The following CASTOR2 variants were observed in gnomAD, a reference collection of about 807,000 sequenced individuals.
CASTOR2 encodes the protein GATS protein like 2.
In CASTOR2, 8 loss-of-function variants were observed where a neutral mutation model predicts 31.2. The observed-to-expected ratio is 0.26, with a 90% CI of 0.15 to 0.46. CASTOR2 has a LOEUF of 0.46. CASTOR2 is among the 20% of genes least tolerant of loss of function. CASTOR2 has a pLI of 0.99. For synonymous variants in CASTOR2, 162 were observed against 158.7 expected (o/e 1.02, Z -0.16); for missense variants, 216 against 382.1 (o/e 0.57, Z 3.62).
chr7:74,990,779 C>T (rs1257878926), intron 1 of CASTOR2, among the ~76,000 whole-genome samples: 2 of 152,132 alleles, frequency 1.3e-5, no homozygotes, highest in African/African-American at 2.4e-5. Context: ...CACTTGAATG[C>T]GGGAGGCAGA....
intron 1 of CASTOR2, among the ~76,000 whole-genome samples, chr7:74,991,089 GGAAAA>G (rs1334363533): frequency 8.1e-6 from 1 of 123,126 alleles, no homozygotes; most frequent in Non-Finnish European, 1.8e-5. Context: ...AAAAAAAAAA[GGAAAA>G]GAAAAAGAAA....
chr7:74,972,784 A>G (rs1178580210), intron 1 of CASTOR2, among the ~76,000 whole-genome samples: 1 of 148,618 alleles, frequency 6.7e-6, no homozygotes, highest in Non-Finnish European at 1.5e-5. Context: ...GGTTCAAGCA[A>G]TTCTCCTGCC....
intron 1 of CASTOR2, among the ~76,000 whole-genome samples, chr7:74,994,299 C>A (rs1467535105): frequency 3.9e-5 from 6 of 152,340 alleles, no homozygotes; most frequent in East Asian, 1.9e-4. Flanking sequence ...TTCTCTTTCA[C>A]CCCGTCAGGG....
intron 1 of CASTOR2, among the ~76,000 whole-genome samples, chr7:75,001,344 C>G (rs1804490975): frequency 6.6e-6 from 1 of 152,172 alleles, no homozygotes; most frequent in African/African-American, 2.4e-5. Context: ...TCCACAAGTG[C>G]TGAGATTACA....
In CASTOR2 at chr7:75,027,841, T is replaced by C; in HGVS notation, c.*3142T>C. The C allele has an allele frequency of 1.5e-6, 1 of 667,718 alleles. No individual in the cohort carries two copies. The highest frequency in any genetic ancestry group is 1.7e-5 in the South Asian group (1 of 59,430). 41.4% of individuals were successfully genotyped at this position (667,718 alleles called of 1,614,324 possible). ...GTTTGGTCTCCACAGCTCTTCGGGGTGGGGTGTGAGTGTGGTTTTTCCCAG... is the reference window on the plus strand; with the variant it reads ...GTTTGGTCTCCACAGCTCTTCGGGGCGGGGTGTGAGTGTGGTTTTTCCCAG... On this transcript the variant is annotated 3_prime_UTR_variant, in exon 9 of 9. Transcript: ENST00000616305.
Position 75,025,957 on chromosome 7 carries a change from G to A in CASTOR2, c.*1258G>A, listed in dbSNP as rs1273562131. Among the ~76,000 whole-genome samples the A allele has an allele frequency of 3.3e-5, 5 of 152,130 alleles. No homozygotes were observed. The highest frequency in any genetic ancestry group is 6.6e-5 in the Admixed American group (1 of 15,260). ...TAGGAGCAGAGATCTGTTACAAGAC[G>A]CTGGAGCCGCTGGCACCCCACATGG... On this transcript the variant is annotated 3_prime_UTR_variant, in exon 9 of 9. Coordinates refer to ENST00000616305, the MANE Select transcript of CASTOR2 (RefSeq NM_001145064.3).
chr7:74,992,950 C>T (rs1285195009), intron 1 of CASTOR2, among the ~76,000 whole-genome samples: 1 of 151,970 alleles, frequency 6.6e-6, no homozygotes, highest in Non-Finnish European at 1.5e-5. Context: ...CCTGTAATCC[C>T]AGCACTTTGG....
Position 75,024,704 on chromosome 7 carries a change from G to A in CASTOR2, c.*5G>A. The A allele has an allele frequency of 1.9e-6, 3 of 1,551,600 alleles. No individual in the cohort carries two copies. The highest frequency in any genetic ancestry group is 2.6e-6 in the Non-Finnish European group (3 of 1,146,850). On this transcript the variant is annotated 3_prime_UTR_variant, in exon 9 of 9. Transcript: ENST00000616305. ...AGCCAAGCAGAGAAGCACTAGAAGG[G>A]TCTCTTCTGCTCCTCCCTGCCGCCG...
Position 74,983,291 on chromosome 7 carries a change from C to T in CASTOR2, c.113+18193C>T, listed in dbSNP as rs1255227117. Among the ~76,000 whole-genome samples the T allele has an allele frequency of 2.7e-5, 4 of 150,230 alleles. 1 individual carries two copies. Among genetic ancestry groups the T allele is most frequent in the Non-Finnish European group, 3.0e-5 (2 of 67,746 alleles). The stretch of plus-strand genomic sequence containing the variant: ...CCTCCCAAAGTGCTGGGATTACAGG[C>T]GTGAGCCACTATGCCCGGCCACATT... On this transcript the variant is annotated intron_variant, in intron 1 of 8. Transcript: ENST00000616305.
intron 2 of CASTOR2, among the ~76,000 whole-genome samples, chr7:75,011,727 C>CA (rs587617013): frequency 0.32 from 13,906 of 43,982 alleles, 2,363 homozygotes; most frequent in African/African-American, 0.54. Flanking sequence ...AGAGCTGTCT[C>CA]AAAAAAAAAA....
chr7:75,022,639 A>G (rs2131957874), intron 7 of CASTOR2, among the ~76,000 whole-genome samples: 2 of 151,980 alleles, frequency 1.3e-5, no homozygotes, highest in Non-Finnish European at 2.9e-5. Context: ...GTCTACTAAC[A>G]ATACAAAAAA....
At position 75,025,237 on chromosome 7, in the gene CASTOR2, G is replaced by A. The variant is rs1052316383; in HGVS notation, c.*538G>A. The stretch of plus-strand genomic sequence containing the variant: ...GCCAGCGTGGCCCCCTCAGGTCATC[G>A]GGGCTGGTGAGGCTCAGACAGGAAC... On this transcript the variant is annotated 3_prime_UTR_variant, in exon 9 of 9. Coordinates refer to ENST00000616305, the MANE Select transcript of CASTOR2 (RefSeq NM_001145064.3). Among the ~76,000 whole-genome samples, 9 of 152,176 alleles carry A rather than the reference G, an allele frequency of 5.9e-5. No homozygotes were observed. Among genetic ancestry groups the A allele is most frequent in the Non-Finnish European group, 1.0e-4 (7 of 68,022 alleles).
rs879107261 is a variant in CASTOR2 at position 75,030,014 on chromosome 7, C to G, written c.*5315C>G. On this transcript the variant is annotated 3_prime_UTR_variant, in exon 9 of 9. Coordinates refer to ENST00000616305, the MANE Select transcript of CASTOR2 (RefSeq NM_001145064.3). ...CTCTACAAGAAAATAACGAAAGAGGCCCCAGGGAAGGAAGCCAGCCAGGAG... is the reference window on the plus strand; with the variant it reads ...CTCTACAAGAAAATAACGAAAGAGGGCCCAGGGAAGGAAGCCAGCCAGGAG... Among the ~76,000 whole-genome samples the G allele has an allele frequency of 0.11, 16,653 of 152,190 alleles. 954 individuals are homozygous for G. The highest frequency in any genetic ancestry group is 0.12 in the South Asian group (584 of 4,830).
intron 1 of CASTOR2, among the ~76,000 whole-genome samples, chr7:74,990,919 A>C (rs1263763560): frequency 6.6e-6 from 1 of 151,794 alleles, no homozygotes; most frequent in Non-Finnish European, 1.5e-5. Flanking sequence ...TCCCAGCATA[A>C]ATAAAATAAG....
At position 75,026,831 on chromosome 7, in the gene CASTOR2, G is replaced by A. The variant is rs1214500250; in HGVS notation, c.*2132G>A. On this transcript the variant is annotated 3_prime_UTR_variant, in exon 9 of 9. Coordinates refer to ENST00000616305, the MANE Select transcript of CASTOR2 (RefSeq NM_001145064.3). Reference sequence around the variant, plus strand: ...TTCCTTTCTGTCATTTCCCCCTGACGGTGTCACTTCTCTGCCTTTCCTTCC... The same window carrying A: ...TTCCTTTCTGTCATTTCCCCCTGACAGTGTCACTTCTCTGCCTTTCCTTCC... Among the ~76,000 whole-genome samples the A allele has an allele frequency of 6.6e-6, 1 of 152,156 alleles. No homozygotes were observed. The highest frequency in any genetic ancestry group is 1.9e-4 in the East Asian group (1 of 5,180).
chr7:74,991,750 C>T (rs1186306521), intron 1 of CASTOR2, among the ~76,000 whole-genome samples: 6 of 151,854 alleles, frequency 4.0e-5, no homozygotes, highest in Admixed American at 1.3e-4. Context: ...ATGAGGGTCC[C>T]GGGGGAGGAT....
At chr7:75,000,077 T>C (rs1804457738) in intron 1 of CASTOR2, among the ~76,000 whole-genome samples, 1 of 152,066 alleles carries the variant, frequency 6.6e-6, no homozygotes, top group Admixed American at 6.6e-5. Context: ...CATTTAAAAA[T>C]TAGCCAGCCA....
In CASTOR2 at chr7:74,976,531, TCTCCTCCTCCTCCTCCTCCTC is replaced by T. The variant is rs369879917; in HGVS notation, c.113+11452_113+11472del. 4.2e-5 allele frequency among the ~76,000 whole-genome samples: 5 copies of T among 118,844 alleles called. 1 individual carries two copies. Among genetic ancestry groups the T allele is most frequent in the African/African-American group, 1.7e-4 (5 of 29,800 alleles). 78.0% of individuals were successfully genotyped at this position (118,844 alleles called of 152,430 possible). A position where few individuals can be genotyped will look rare whatever the true frequency, so the allele number is the denominator to read the frequency against. On this transcript the variant is annotated intron_variant, in intron 1 of 8. Coordinates refer to ENST00000616305, the MANE Select transcript of CASTOR2 (RefSeq NM_001145064.3). ...GCCTGGACAACATAATGAGACCCTG[TCTCCTCCTCCTCCTCCTCCTC>T]CTCCTCCTCCTCCTCCTCACCATCA...
intron 7 of CASTOR2, 124 bp downstream of exon 7, chr7:75,022,080 G>A (rs957497751): frequency 6.7e-6 from 8 of 1,194,566 alleles, no homozygotes; most frequent in Non-Finnish European, 9.7e-6. Flanking sequence ...GAGGCTTGGG[G>A]AGCCTGAAAT....
Sources: gnomAD v4.1 joint callset for allele counts (sites outside exome capture counted in the v4.1 genomes callset) on GRCh38, gnomAD v4.1.1 for gene constraint, MANE v1.5 for transcripts, NCBI Gene and HGNC (gene_info 2026-07-23, HGNC 2026-07-21) for gene names.